The following DCUN1D4 variants were observed in gnomAD, a reference collection of about 807,000 sequenced individuals.
The protein encoded by DCUN1D4 is defective in cullin neddylation 1 domain containing 4, also known as DCN1-like protein 4.
In DCUN1D4, 22 loss-of-function variants were observed where a neutral mutation model predicts 47.9. That is an observed-to-expected ratio of 0.46 (90% CI 0.33 to 0.66). The LOEUF (loss-of-function observed/expected upper bound fraction) is 0.66. Ranked by LOEUF, DCUN1D4 falls within the 30% of genes least tolerant of loss-of-function variation. The pLI, the probability that DCUN1D4 is intolerant of heterozygous loss-of-function variation, is 0.02. For missense variants in DCUN1D4, 301 were observed against 340.8 expected, an observed-to-expected ratio of 0.88 and a Z score of 0.92; for synonymous variants, 121 against 112.2, an observed-to-expected ratio of 1.08 and a Z score of -0.50.
chr4:51,849,466 C>T (rs1161726143), intron 1 of DCUN1D4, among the ~76,000 whole-genome samples: 1 of 152,176 alleles, frequency 6.6e-6, no homozygotes, highest in Admixed American at 6.5e-5. Flanking sequence ...ACTAAGAATT[C>T]TGATACTTCA....
intron 1 of DCUN1D4, among the ~76,000 whole-genome samples, chr4:51,852,671 A>G (rs1192982989): frequency 2.0e-5 from 3 of 152,194 alleles, no homozygotes; most frequent in South Asian, 2.1e-4. Flanking sequence ...GATGAAAACA[A>G]TTAACGTTGA....
intron 6 of DCUN1D4, among the ~76,000 whole-genome samples, chr4:51,888,724 C>CAA (rs71193044): frequency 2.2e-4 from 18 of 81,228 alleles, no homozygotes; most frequent in Admixed American, 5.8e-4. Context: ...ACTCCATCTC[C>CAA]AAAAAAAAAA....
At chr4:51,848,398 C>T (rs756635408) in intron 1 of DCUN1D4, 27 of 1,091,904 alleles carry the variant, frequency 2.5e-5, no homozygotes, top group Middle Eastern at 5.2e-4. Context: ...GAGTGTTTGT[C>T]CTTTTCCCTT....
At chr4:51,866,962 A>G (rs577034590) in intron 3 of DCUN1D4, among the ~76,000 whole-genome samples, 5 of 152,182 alleles carry the variant, frequency 3.3e-5, no homozygotes, top group African/African-American at 1.2e-4. Context: ...CTCAGTTCTC[A>G]CTACTGGCCT....
At chr4:51,894,717 T>A (rs1217309717) in intron 7 of DCUN1D4, among the ~76,000 whole-genome samples, 1 of 152,204 alleles carries the variant, frequency 6.6e-6, no homozygotes, top group Non-Finnish European at 1.5e-5. Flanking sequence ...TTGGATTTCT[T>A]TTCTATTTTT....
rs1389485016 is a variant in DCUN1D4, at chr4:51,915,254, A to G, written c.*1670A>G. 1.3e-5 allele frequency: 2 copies of G among 152,610 alleles called. No individual in the cohort carries two copies. Among genetic ancestry groups the G allele is most frequent in the African/African-American group, 4.8e-5 (2 of 41,458 alleles). The allele number at this position is 152,610 out of a possible 1,614,324, so 9.5% of individuals were successfully genotyped here. ...GTATGTATATACAGTGTGTGTGTAT[A>G]CAAAATCATGATATAGTAGAATGCA... On this transcript the variant is annotated 3_prime_UTR_variant, in exon 11 of 11. Coordinates refer to ENST00000334635, the MANE Select transcript of DCUN1D4 (RefSeq NM_001040402.3).
At chr4:51,906,681 C>T (rs1203585430) in intron 8 of DCUN1D4, among the ~76,000 whole-genome samples, 2 of 152,162 alleles carry the variant, frequency 1.3e-5, no homozygotes, top group Admixed American at 6.5e-5. Context: ...CATCTAAGCC[C>T]GGGTCTATTA....
At chr4:51,885,483 C>T (rs755181838) in intron 5 of DCUN1D4, among the ~76,000 whole-genome samples, 7 of 152,012 alleles carry the variant, frequency 4.6e-5, no homozygotes, top group Non-Finnish European at 1.0e-4. Context: ...CATTGGGCTC[C>T]GTTTTAGTGA....
chr4:51,859,053 A>T (rs1399538805), intron 1 of DCUN1D4, among the ~76,000 whole-genome samples: 1 of 152,200 alleles, frequency 6.6e-6, no homozygotes, highest in Non-Finnish European at 1.5e-5. Flanking sequence ...TGAACTTTAG[A>T]ATCAATCTGC....
chr4:51,876,655 A>C (rs1465142843), intron 4 of DCUN1D4, among the ~76,000 whole-genome samples: 1 of 152,040 alleles, frequency 6.6e-6, no homozygotes, highest in Non-Finnish European at 1.5e-5. Context: ...TTTTCAGCCG[A>C]ACAGAGATGG....
chr4:51,899,640 A>G (rs774594814), intron 8 of DCUN1D4, among the ~76,000 whole-genome samples: 13 of 152,324 alleles, frequency 8.5e-5, no homozygotes, highest in East Asian at 1.9e-4. Context: ...TGGGCATGCA[A>G]TACACACTGT....
intron 8 of DCUN1D4, chr4:51,909,013 CTGA>C (rs1733315771): frequency 2.2e-6 from 1 of 456,204 alleles, no homozygotes; most frequent in Middle Eastern, 3.3e-4. Flanking sequence ...TCCTGTGAGT[CTGA>C]TGCCTTTCCT....
chr4:51,902,873 T>C (rs1396607318), intron 8 of DCUN1D4, among the ~76,000 whole-genome samples: 2 of 152,144 alleles, frequency 1.3e-5, no homozygotes, highest in African/African-American at 4.8e-5. Flanking sequence ...TTCCTAGTAG[T>C]TGCTCTGGGT....
chr4:51,847,483 T>C (rs1243782611), intron 1 of DCUN1D4, among the ~76,000 whole-genome samples: 2 of 152,186 alleles, frequency 1.3e-5, no homozygotes, highest in Non-Finnish European at 2.9e-5. Context: ...TATCCTCTTC[T>C]TCCCTGGTCA....
At chr4:51,881,259 C>T (rs952875684) in intron 5 of DCUN1D4, among the ~76,000 whole-genome samples, 62 of 152,192 alleles carry the variant, frequency 4.1e-4, no homozygotes, top group African/African-American at 1.5e-3. Context: ...TATACTAAAG[C>T]TCACATACAT....
chr4:51,833,921 C>T, the DCUN1D4 span, among the ~76,000 whole-genome samples: 2 of 151,940 alleles, frequency 1.3e-5, no homozygotes, highest in East Asian at 1.9e-4. Flanking sequence ...TAAGCTGTGG[C>T]ATCAAGGTGG....
chr4:51,836,791 C>T, the DCUN1D4 span, among the ~76,000 whole-genome samples: 1 of 152,216 alleles, frequency 6.6e-6, no homozygotes, highest in African/African-American at 2.4e-5. Flanking sequence ...CTGCCTTCCC[C>T]ATCCACTCTC....
chr4:51,843,226 G>A lies in DCUN1D4; in HGVS notation c.-17G>A. 5 of 1,541,836 alleles carry A rather than the reference G, an allele frequency of 3.2e-6. No homozygotes were observed. The highest frequency in any genetic ancestry group is 1.2e-5 in the South Asian group (1 of 82,924). ...CGCGGGAGCCTGGGCGGCGAGCCGG[G>A]TGTGAGCTGCCTGAAAATGCACTCG... On this transcript the variant is annotated 5_prime_UTR_variant, in exon 1 of 11. It adds an upstream start codon to the 5' untranslated region. Coordinates refer to ENST00000334635, the MANE Select transcript of DCUN1D4 (RefSeq NM_001040402.3).
At chr4:51,884,204 G>C (rs1729112426) in intron 5 of DCUN1D4, 1 of 152,132 alleles carries the variant, frequency 6.6e-6, no homozygotes, top group East Asian at 1.9e-4. Context: ...GCCTGAGTTT[G>C]AACTTTAGGG....
Sources: gnomAD v4.1 joint callset for allele counts (sites outside exome capture counted in the v4.1 genomes callset) on GRCh38, gnomAD v4.1.1 for gene constraint, MANE v1.5 for transcripts, NCBI Gene and HGNC (gene_info 2026-07-23, HGNC 2026-07-21) for gene names.